The following PRKCA variants were observed in gnomAD, a reference collection of about 807,000 sequenced individuals.
PRKCA encodes the protein protein kinase C alpha.
Under a neutral mutation model 87.0 loss-of-function variants are expected in PRKCA, and 27 were observed. The ratio of observed to expected loss-of-function variants is 0.31; its 90% CI spans 0.23 to 0.43. The LOEUF (loss-of-function observed/expected upper bound fraction) is 0.43. Among genes scored for constraint, PRKCA ranks in the 20% least tolerant of loss-of-function variants. The probability of loss-of-function intolerance (pLI) is 1.00; values close to 1 mark genes in which losing one functional copy is unlikely to be tolerated. For synonymous variants in PRKCA, 329 were observed against 311.1 expected (o/e 1.06, Z -0.61); for missense variants, 518 against 852.3 (o/e 0.61, Z 4.88).
In PRKCA at chr17:66,377,701, T is replaced by TATATA. The variant is rs1491432626; in HGVS notation, c.205+71574_205+71575insATATA. 8.1e-4 allele frequency among the ~76,000 whole-genome samples: 63 copies of TATATA among 77,906 alleles called. 3 individuals are homozygous for TATATA. The highest frequency in any genetic ancestry group is 1.3e-3 in the African/African-American group (25 of 18,964). The allele number at this position is 77,906 out of a possible 152,430, so 51.1% of individuals were successfully genotyped here. A position where few individuals can be genotyped will look rare whatever the true frequency, so the allele number is the denominator to read the frequency against. On this transcript the variant is annotated intron_variant, in intron 2 of 16. Transcript: ENST00000413366. ...ATTATATATATATAAAGTCTATGTTTTATATATATATATATATATATTTTT... is the reference window on the plus strand; with the variant it reads ...ATTATATATATATAAAGTCTATGTTTATATATATATATATATATATATATATTTTT...
chr17:66,658,552 C>T (rs1221490548), intron 5 of PRKCA, among the ~76,000 whole-genome samples: 3 of 152,164 alleles, frequency 2.0e-5, no homozygotes, highest in African/African-American at 7.2e-5. Context: ...CCTCGTCCTT[C>T]CTACAACCTG....
intron 3 of PRKCA, among the ~76,000 whole-genome samples, chr17:66,557,529 G>T (rs1290289789): frequency 6.6e-6 from 1 of 151,864 alleles, no homozygotes; most frequent in African/African-American, 2.4e-5. Context: ...TAGGATTTTC[G>T]AATGAATAAA....
intron 2 of PRKCA, among the ~76,000 whole-genome samples, chr17:66,435,722 G>A (rs574422864): frequency 2.6e-5 from 4 of 152,286 alleles, no homozygotes; most frequent in Admixed American, 6.5e-5. Flanking sequence ...TCTATGGGGC[G>A]GTTCTGATGA....
chr17:66,361,810 G>A (rs527471440), intron 2 of PRKCA, among the ~76,000 whole-genome samples: 8 of 152,276 alleles, frequency 5.3e-5, no homozygotes, highest in African/African-American at 1.9e-4. Flanking sequence ...AATTGTTAGT[G>A]GTTAATATTT....
At chr17:66,487,710 A>G (rs1916045977) in intron 2 of PRKCA, among the ~76,000 whole-genome samples, 1 of 152,124 alleles carries the variant, frequency 6.6e-6, no homozygotes, top group African/African-American at 2.4e-5. Flanking sequence ...GATAATAGCC[A>G]TTCTAACTGT....
chr17:66,776,864 G>C (rs1179981887), intron 14 of PRKCA, among the ~76,000 whole-genome samples: 1 of 152,212 alleles, frequency 6.6e-6, no homozygotes, highest in African/African-American at 2.4e-5. Flanking sequence ...CATGTGCAGT[G>C]TGTTTACTGG....
At chr17:66,750,688 G>A (rs1479352894) in intron 13 of PRKCA, among the ~76,000 whole-genome samples, 1 of 152,182 alleles carries the variant, frequency 6.6e-6, no homozygotes, top group African/African-American at 2.4e-5. Context: ...AGCTCCTGGT[G>A]GATTCGCTGC....
intron 13 of PRKCA, among the ~76,000 whole-genome samples, chr17:66,765,766 T>C (rs1974799905): frequency 6.6e-6 from 1 of 152,022 alleles, no homozygotes; most frequent in Admixed American, 6.6e-5. Context: ...CGTGTGTATC[T>C]GAATGTTTAT....
rs1338149558 is a variant in PRKCA, at chr17:66,535,805, CCTT to C, written c.288+39525_288+39527del. 2.6e-5 allele frequency among the ~76,000 whole-genome samples: 4 copies of C among 152,188 alleles called. No homozygotes were observed. The East Asian group carries it at 7.7e-4, about 29-fold the overall frequency. ...ACAAACTCTTCTAGTCCATTCCCCT[CCTT>C]CTAATGAGGGGCCCCCACAGCTGTG... On this transcript the variant is annotated intron_variant, in intron 3 of 16. Transcript: ENST00000413366.
intron 16 of PRKCA, chr17:66,796,529 T>A (rs1296451473): frequency 2.0e-6 from 2 of 984,648 alleles, no homozygotes; most frequent in African/African-American, 1.8e-5. Context: ...GGTGACTAAA[T>A]GAGCAAACTA....
At chr17:66,791,799 T>G (rs1398789445) in intron 16 of PRKCA, among the ~76,000 whole-genome samples, 2 of 152,196 alleles carry the variant, frequency 1.3e-5, no homozygotes, top group Non-Finnish European at 2.9e-5. Flanking sequence ...CACAATACGC[T>G]CTGGTTAATA....
intron 8 of PRKCA, among the ~76,000 whole-genome samples, chr17:66,698,548 A>C (rs143059513): frequency 2.1e-4 from 32 of 152,336 alleles, no homozygotes; most frequent in African/African-American, 6.7e-4. Flanking sequence ...TTACCAAGTC[A>C]GAAGAAAACA....
In PRKCA at chr17:66,641,432, C is replaced by G. The variant is rs1248095695; in HGVS notation, c.366C>G (p.Leu122=). 5 of 1,610,468 alleles carry G rather than the reference C, an allele frequency of 3.1e-6. No homozygotes were observed. The South Asian group carries it at 4.4e-5, about 14-fold the overall frequency. The change falls in exon 4 of 17, where the codon CTC becomes CTG. Residue 122 remains leucine, a synonymous_variant. Coordinates refer to ENST00000413366, the MANE Select transcript of PRKCA (RefSeq NM_002737.3). ...TCTGCGATCACTGTGGGTCACTGCT[C>G]TATGGACTTATCCATCAAGGGATGA... ...PTFCDHCGSL[L]YGLIHQGMKC...
In PRKCA at chr17:66,689,100, A is replaced by G. The variant is rs1015622427; in HGVS notation, c.918+53A>G. 27 of 1,195,454 alleles carry G rather than the reference A, an allele frequency of 2.3e-5. No homozygotes were observed. The highest frequency in any genetic ancestry group is 5.0e-5 in the East Asian group (2 of 40,288). 74.1% of individuals were successfully genotyped at this position (1,195,454 alleles called of 1,614,324 possible). On this transcript the variant is annotated intron_variant, in intron 8 of 16. Transcript: ENST00000413366. The surrounding 1 kb of genome is among the most constrained non-coding windows in gnomAD (Gnocchi z 4.1). ...CCTTTCCTTTAGAAAGCCCAACTTC[A>G]GGAACGGCCGAGATGTTGTGGTCAC...
intron 3 of PRKCA, among the ~76,000 whole-genome samples, chr17:66,522,245 C>G (rs578042227): frequency 5.3e-5 from 8 of 152,340 alleles, no homozygotes; most frequent in Admixed American, 3.3e-4. Context: ...CCACCTGGGG[C>G]AAAGCCAGTG....
At chr17:66,631,491 G>A (rs183661667) in intron 3 of PRKCA, among the ~76,000 whole-genome samples, 12 of 152,134 alleles carry the variant, frequency 7.9e-5, no homozygotes, top group East Asian at 1.9e-4. Context: ...TGATCATGGC[G>A]CATTACAGCC....
At chr17:66,357,020 A>C (rs1001391541) in intron 2 of PRKCA, among the ~76,000 whole-genome samples, 1 of 152,182 alleles carries the variant, frequency 6.6e-6, no homozygotes, top group South Asian at 2.1e-4. Flanking sequence ...CAGCCTCCCA[A>C]AGTGCTGGGG....
chr17:66,382,283 G>T (rs1287070287), intron 2 of PRKCA, among the ~76,000 whole-genome samples: 1 of 152,118 alleles, frequency 6.6e-6, no homozygotes, highest in Non-Finnish European at 1.5e-5. Flanking sequence ...TAAAGAGATA[G>T]TCATTAAATA....
At chr17:66,740,168 G>C (rs982682623) in intron 11 of PRKCA, among the ~76,000 whole-genome samples, 7 of 152,086 alleles carry the variant, frequency 4.6e-5, no homozygotes, top group Admixed American at 3.3e-4. Flanking sequence ...GGAGATTCAT[G>C]AGCTCAGTTA....
Sources: allele counts gnomAD v4.1 joint callset (sites outside exome capture counted in the v4.1 genomes callset), GRCh38; gene constraint gnomAD v4.1.1; non-coding constraint Gnocchi (gnomAD v3.1); transcripts MANE v1.5; gene names NCBI Gene and HGNC (gene_info 2026-07-23, HGNC 2026-07-21).